Variants in SCCPDH observed in about 807,000 individuals in gnomAD.
SCCPDH encodes saccharopine dehydrogenase (putative).
SCCPDH carries 34 observed loss-of-function variants against 51.5 expected under a neutral mutation model. The observed-to-expected ratio is 0.66, with a 90% CI of 0.50 to 0.88. The LOEUF (loss-of-function observed/expected upper bound fraction) is 0.88. SCCPDH is among the 40% of genes least tolerant of loss of function. SCCPDH has a pLI of 0.00. For missense variants in SCCPDH, 464 were observed against 527.1 expected (o/e 0.88, Z 1.17); for synonymous variants, 187 against 191.3 (o/e 0.98, Z 0.19).
At chr1:246,748,530 C>T (rs758322957) in intron 5 of SCCPDH, among the ~76,000 whole-genome samples, 25 of 152,136 alleles carry the variant, frequency 1.6e-4, no homozygotes, top group Non-Finnish European at 3.2e-4. Flanking sequence ...GCTAGTGGGC[C>T]CCAATTGTTC....
intron 2 of SCCPDH, among the ~76,000 whole-genome samples, chr1:246,731,584 C>T (rs372695185): frequency 2.2e-4 from 33 of 152,290 alleles, no homozygotes; most frequent in African/African-American, 7.5e-4. Context: ...AAGCAGCATG[C>T]TTGGGGAATT....
intron 9 of SCCPDH, among the ~76,000 whole-genome samples, chr1:246,763,303 A>G (rs953031307): frequency 6.6e-6 from 1 of 152,124 alleles, no homozygotes; most frequent in Admixed American, 6.6e-5. Context: ...GGGTCGGACA[A>G]TGTGTGTAGC....
chr1:246,745,337 A>G (rs1241590099), intron 5 of SCCPDH, among the ~76,000 whole-genome samples: 1 of 152,264 alleles, frequency 6.6e-6, no homozygotes, highest in Non-Finnish European at 1.5e-5. Flanking sequence ...TATTCATTCA[A>G]CAAATATTGT....
chr1:246,729,218 G>T (rs1444453308), intron 2 of SCCPDH, among the ~76,000 whole-genome samples: 1 of 152,208 alleles, frequency 6.6e-6, no homozygotes, highest in African/African-American at 2.4e-5. Context: ...CGCTGGGCAC[G>T]CACTGTCATT....
chr1:246,766,052 C>T lies in SCCPDH; in HGVS notation c.1103-6C>T, dbSNP rs1669082961. The T allele has an allele frequency of 6.3e-7, 1 of 1,596,146 alleles. No individual in the cohort carries two copies. Among genetic ancestry groups the T allele is most frequent in the Non-Finnish European group, 8.5e-7 (1 of 1,171,370 alleles). On this transcript the variant is annotated splice_region_variant and splice_polypyrimidine_tract_variant and intron_variant, in intron 10 of 11. Transcript: ENST00000366510. Reference sequence around the variant, plus strand: ...TTCTTTTTCCCTGATCAACTGTTTTCTGCAGAGGCTGGCTATGTGGCTACC... The same window carrying T: ...TTCTTTTTCCCTGATCAACTGTTTTTTGCAGAGGCTGGCTATGTGGCTACC...
chr1:246,762,429 T>C (rs892464284), intron 9 of SCCPDH, among the ~76,000 whole-genome samples: 2 of 152,224 alleles, frequency 1.3e-5, no homozygotes, highest in African/African-American at 4.8e-5. Flanking sequence ...TTCTAATCTG[T>C]CTTCCCACTG....
chr1:246,724,563 C>A lies in SCCPDH; in HGVS notation c.141C>A (p.Arg47=). Reference sequence around the variant, plus strand: ...GCCTGCCCTGGGCCGTGGCGGGCCGCTCCCGGGAGAAGCTGCAGCGGGTGC... The same window carrying A: ...GCCTGCCCTGGGCCGTGGCGGGCCGATCCCGGGAGAAGCTGCAGCGGGTGC... ...SSRLPWAVAG[R]SREKLQRVLE... Residue 47 remains arginine, a synonymous_variant, in exon 1 of 12, where the codon CGC becomes CGA. Transcript: ENST00000366510. 6.5e-7 allele frequency: 1 copy of A among 1,536,798 alleles called. No individual in the cohort carries two copies. Among genetic ancestry groups the A allele is most frequent in the Non-Finnish European group, 8.7e-7 (1 of 1,144,318 alleles).
chr1:246,736,089 A>G (rs773926415), intron 3 of SCCPDH, 34 bp downstream of exon 3: 5 of 1,453,428 alleles, frequency 3.4e-6, no homozygotes, highest in Non-Finnish European at 4.8e-6. Flanking sequence ...CGTAGAATTA[A>G]CACATAAATT....
chr1:246,737,250 C>T lies in SCCPDH; in HGVS notation c.384+1195C>T, dbSNP rs143499657. On this transcript the variant is annotated intron_variant, in intron 3 of 11. Transcript: ENST00000366510. ...AAACAAATTAAAAAAAAAAAAAAGC[C>T]CAGGCGAGGTGGCTCACGCCTGTTA... Among the ~76,000 whole-genome samples the T allele has an allele frequency of 2.4e-3, 364 of 149,988 alleles. 1 individual carries two copies. The highest frequency in any genetic ancestry group is 8.4e-3 in the African/African-American group (345 of 41,054).
intron 4 of SCCPDH, among the ~76,000 whole-genome samples, chr1:246,742,947 C>T (rs1323959675): frequency 6.6e-6 from 1 of 151,964 alleles, no homozygotes; most frequent in African/African-American, 2.4e-5. Flanking sequence ...TTATTTTATA[C>T]TTCTTTTTAT....
In SCCPDH at chr1:246,762,412, G is replaced by A. The variant is rs542336974; in HGVS notation, c.991-1834G>A. On this transcript the variant is annotated intron_variant, in intron 9 of 11. Coordinates refer to ENST00000366510, the MANE Select transcript of SCCPDH (RefSeq NM_016002.3). ...CTTGAACTTTTCGTAGCATTCCTAC[G>A]GTTTCTTTCTAATCTGTCTTCCCAC... 3.9e-5 allele frequency among the ~76,000 whole-genome samples: 6 copies of A among 152,190 alleles called. No homozygotes were observed. The South Asian group carries it at 8.3e-4, about 21-fold the overall frequency.
chr1:246,756,533 A>G (rs977437727), intron 5 of SCCPDH, among the ~76,000 whole-genome samples: 17 of 152,192 alleles, frequency 1.1e-4, no homozygotes, highest in Non-Finnish European at 8.8e-5. Context: ...TTCCTTTTCA[A>G]TGGCTTAGTT....
rs139873925 is a variant in SCCPDH, at chr1:246,744,846, G to A, written c.564+721G>A. On this transcript the variant is annotated intron_variant, in intron 5 of 11. Coordinates refer to ENST00000366510, the MANE Select transcript of SCCPDH (RefSeq NM_016002.3). ...TTGCCATGTTGGCCAGGCTGGTCTC[G>A]AATTCCTGGCCTCAAGTGATCTGCC... is the stretch of plus-strand genomic sequence containing the variant. 1.1e-3 allele frequency among the ~76,000 whole-genome samples: 167 copies of A among 151,766 alleles called. 4 individuals are homozygous for A. The East Asian group carries it at 0.017, about 16-fold the overall frequency.
intron 1 of SCCPDH, among the ~76,000 whole-genome samples, chr1:246,726,108 C>T (rs967506016): frequency 6.6e-6 from 1 of 152,152 alleles, no homozygotes; most frequent in Non-Finnish European, 1.5e-5. Flanking sequence ...CCACCCTTCT[C>T]GGCTTTCCAA....
Position 246,740,161 on chromosome 1 carries a change from G to A in SCCPDH, c.385-11G>A. The A allele has an allele frequency of 6.4e-7, 1 of 1,558,190 alleles. No homozygotes were observed. Among genetic ancestry groups the A allele is most frequent in the Non-Finnish European group, 8.7e-7 (1 of 1,143,946 alleles). On this transcript the variant is annotated splice_polypyrimidine_tract_variant and intron_variant, in intron 3 of 11. Transcript: ENST00000366510. Reference sequence around the variant, plus strand: ...CATAACTAATTAAAATTCTTATCCTGGATTTTTTAGTTTCTGGAACTAATG... The same window carrying A: ...CATAACTAATTAAAATTCTTATCCTAGATTTTTTAGTTTCTGGAACTAATG...
At chr1:246,725,910 A>G (rs1157534610) in intron 1 of SCCPDH, among the ~76,000 whole-genome samples, 3 of 152,194 alleles carry the variant, frequency 2.0e-5, no homozygotes, top group Non-Finnish European at 2.9e-5. Flanking sequence ...GTGTGTTTAT[A>G]TAGCGTGTGC....
intron 2 of SCCPDH, among the ~76,000 whole-genome samples, chr1:246,731,733 A>ATTAAC (rs59324541): frequency 0.17 from 26,070 of 151,972 alleles, 3,590 homozygotes; most frequent in African/African-American, 0.37. Context: ...TGTTATTTTT[A>ATTAAC]TTTAAGTTCT....
intron 5 of SCCPDH, among the ~76,000 whole-genome samples, chr1:246,756,210 C>CTTAGT (rs2102989288): frequency 6.6e-6 from 1 of 152,276 alleles, no homozygotes; most frequent in East Asian, 1.9e-4. Context: ...CATAAGAAGC[C>CTTAGT]AAACACTCAG....
intron 2 of SCCPDH, among the ~76,000 whole-genome samples, chr1:246,732,672 G>A (rs1213510208): frequency 1.3e-5 from 2 of 152,140 alleles, no homozygotes; most frequent in Non-Finnish European, 2.9e-5. Context: ...ACAGGCATGA[G>A]CCACCACACC....
Sources: allele counts gnomAD v4.1 joint callset (sites outside exome capture counted in the v4.1 genomes callset), GRCh38; gene constraint gnomAD v4.1.1; transcripts MANE v1.5; gene names NCBI Gene and HGNC (gene_info 2026-07-23, HGNC 2026-07-21).